RBFOX3: variants seen among roughly 807,000 people sequenced by gnomAD.
RBFOX3 encodes RNA binding fox-1 homolog 3, also known as RNA binding protein fox-1 homolog 3.
In RBFOX3, 17 loss-of-function variants were observed where a neutral mutation model predicts 48.7. The observed-to-expected ratio is 0.35, with a 90% CI of 0.24 to 0.52. RBFOX3 has a LOEUF of 0.52. Among genes scored for constraint, RBFOX3 ranks in the 20% least tolerant of loss-of-function variants. RBFOX3 has a pLI of 0.94. For missense variants in RBFOX3, 382 were observed against 497.5 expected (o/e 0.77, Z 2.21); for synonymous variants, 212 against 209.5 (o/e 1.01, Z -0.10).
chr17:79,491,457 G>C lies in RBFOX3; in HGVS notation c.-319-8859C>G, dbSNP rs200605714. ...GGGCTGGGTAGAGGGGAAAAACCAA[G>C]GCAGGAATCTCAGTAGGGAGGTGGC... is the stretch of plus-strand genomic sequence containing the variant. On this transcript the variant is annotated intron_variant, in intron 1 of 14. Coordinates refer to ENST00000693108, the MANE Select transcript of RBFOX3 (RefSeq NM_001350451.2). 3.8e-4 allele frequency among the ~76,000 whole-genome samples: 58 copies of C among 152,136 alleles called. 1 individual carries two copies. In the East Asian group the frequency reaches 8.1e-3, roughly 21 times the overall value.
chr17:79,176,955 G>A (rs1019702768), intron 4 of RBFOX3, among the ~76,000 whole-genome samples: 1 of 152,348 alleles, frequency 6.6e-6, no homozygotes, highest in South Asian at 2.1e-4. Flanking sequence ...GACAGACGGT[G>A]ACCTGTAATC....
intron 2 of RBFOX3, among the ~76,000 whole-genome samples, chr17:79,315,942 G>T (rs375279032): frequency 6.6e-6 from 1 of 152,120 alleles, no homozygotes; most frequent in African/African-American, 2.4e-5. Context: ...AATTCACTCC[G>T]CAAGGGGTGG....
At chr17:79,273,932 G>A (rs763756051) in intron 3 of RBFOX3, among the ~76,000 whole-genome samples, 34 of 152,288 alleles carry the variant, frequency 2.2e-4, no homozygotes, top group Middle Eastern at 3.4e-3. Context: ...TGCCTCCTCC[G>A]TTTCCTGCAG....
intron 2 of RBFOX3, among the ~76,000 whole-genome samples, chr17:79,337,801 A>T (rs942573394): frequency 1.3e-5 from 2 of 152,158 alleles, no homozygotes; most frequent in African/African-American, 4.8e-5. Context: ...AAGAAAATAC[A>T]GTTGAGTTTA....
chr17:79,093,622 T>A (rs1161877623), intron 14 of RBFOX3, among the ~76,000 whole-genome samples: 1 of 151,364 alleles, frequency 6.6e-6, no homozygotes, highest in Non-Finnish European at 1.5e-5. Context: ...CCTCTGAACC[T>A]CCTCCCTCCT....
intron 2 of RBFOX3, among the ~76,000 whole-genome samples, chr17:79,331,166 G>A (rs1223580908): frequency 6.6e-6 from 1 of 152,144 alleles, no homozygotes; most frequent in Non-Finnish European, 1.5e-5. Flanking sequence ...ATTTATTTCT[G>A]TTCCTTGACA....
intron 2 of RBFOX3, among the ~76,000 whole-genome samples, chr17:79,337,886 T>C (rs995224383): frequency 6.6e-6 from 1 of 152,120 alleles, no homozygotes; most frequent in African/African-American, 2.4e-5. Context: ...GGCATGTGTC[T>C]CTTTTTCTTA....
chr17:79,544,363 G>A (rs1456647342), intron 1 of RBFOX3, among the ~76,000 whole-genome samples: 4 of 152,162 alleles, frequency 2.6e-5, no homozygotes, highest in East Asian at 1.9e-4. Flanking sequence ...TATTCAACAC[G>A]GTGATTGCTG....
At chr17:79,295,910 G>A (rs1022612599) in intron 3 of RBFOX3, among the ~76,000 whole-genome samples, 1 of 152,096 alleles carries the variant, frequency 6.6e-6, no homozygotes, top group African/African-American at 2.4e-5. Context: ...GCGGTTATTT[G>A]TAAATAATAC....
At chr17:79,633,737 G>A in the RBFOX3 span, among the ~76,000 whole-genome samples, 1 of 152,178 alleles carries the variant, frequency 6.6e-6, no homozygotes, top group South Asian at 2.1e-4. Context: ...TGAGGCATCG[G>A]AGGCTGCTCT....
intron 2 of RBFOX3, among the ~76,000 whole-genome samples, chr17:79,355,279 G>A (rs2084755419): frequency 6.6e-6 from 1 of 152,242 alleles, no homozygotes; most frequent in Non-Finnish European, 1.5e-5. Context: ...TGTGAAGCCT[G>A]CAGAACGTAT....
chr17:79,299,785 A>G lies in RBFOX3; in HGVS notation c.-74+7939T>C, dbSNP rs2145269391. Reference sequence around the variant, plus strand: ...GACGCAAACAGAGGGATGGCCACATAAGGACATGGAGAAGACGGCGTCTAC... The same window carrying G: ...GACGCAAACAGAGGGATGGCCACATGAGGACATGGAGAAGACGGCGTCTAC... On this transcript the variant is annotated intron_variant, in intron 3 of 14. Coordinates refer to ENST00000693108, the MANE Select transcript of RBFOX3 (RefSeq NM_001350451.2). The surrounding 1 kb of genome is among the most constrained non-coding windows in gnomAD (Gnocchi z 4.5). 6.6e-6 allele frequency among the ~76,000 whole-genome samples: 1 copy of G among 152,330 alleles called. No individual in the cohort carries two copies. The highest frequency in any genetic ancestry group is 6.5e-5 in the Admixed American group (1 of 15,306).
At chr17:79,328,851 G>A (rs964840778) in intron 2 of RBFOX3, among the ~76,000 whole-genome samples, 3 of 152,204 alleles carry the variant, frequency 2.0e-5, no homozygotes, top group Admixed American at 6.5e-5. Context: ...AGCCGTGGTT[G>A]CCCAGGGATA....
At chr17:79,598,748 AGTT>A (rs2093632850) in intron 1 of RBFOX3, 1 of 152,110 alleles carries the variant, frequency 6.6e-6, no homozygotes, top group African/African-American at 2.4e-5. Flanking sequence ...TGAGTTGTTG[AGTT>A]GTTATTTGGT....
chr17:79,133,211 C>A (rs369113251), intron 4 of RBFOX3, among the ~76,000 whole-genome samples: 1 of 152,158 alleles, frequency 6.6e-6, no homozygotes, highest in South Asian at 2.1e-4. Flanking sequence ...AAGGCAGGGG[C>A]CAGTGGGAGA....
rs1437515734 is a variant in RBFOX3 at position 79,212,847 on chromosome 17, C to T, written c.-34+22919G>A. On this transcript the variant is annotated intron_variant, in intron 4 of 14. Transcript: ENST00000693108. This position sits in a 1 kb window ranked among gnomAD's most constrained non-coding sequence, Gnocchi z 4.7. ...CAGACAACTTCCTGGGGCCTGGAAACAGATGTCACCTCAGCTACAGTGTTT... is the reference window on the plus strand; with the variant it reads ...CAGACAACTTCCTGGGGCCTGGAAATAGATGTCACCTCAGCTACAGTGTTT... Among the ~76,000 whole-genome samples the T allele has an allele frequency of 2.6e-5, 4 of 152,128 alleles. No homozygotes were observed. Among genetic ancestry groups the T allele is most frequent in the Admixed American group, 2.6e-4 (4 of 15,272 alleles).
intron 3 of RBFOX3, among the ~76,000 whole-genome samples, chr17:79,272,246 GC>G (rs2067867867): frequency 6.6e-6 from 1 of 152,174 alleles, no homozygotes; most frequent in Admixed American, 6.5e-5. Flanking sequence ...GTGGCTGGGG[GC>G]GGGGGGCTCT....
At chr17:79,539,407 A>T (rs1429502741) in intron 1 of RBFOX3, among the ~76,000 whole-genome samples, 2 of 152,236 alleles carry the variant, frequency 1.3e-5, no homozygotes, top group Non-Finnish European at 2.9e-5. Context: ...ATAATCACAT[A>T]GTGTGGAGGC....
chr17:79,178,720 C>T lies in RBFOX3; in HGVS notation c.-34+57046G>A, dbSNP rs146838084. On this transcript the variant is annotated intron_variant, in intron 4 of 14. Transcript: ENST00000693108. ...TCAGGGTAAAGAGGTCTCACCTGTA[C>T]GGATGCGTGGCTCAAAGCAAGGACC... Among the ~76,000 whole-genome samples the T allele has an allele frequency of 4.0e-4, 61 of 152,358 alleles. No individual in the cohort carries two copies. The East Asian group carries it at 0.012, about 29-fold the overall frequency.
Sources: allele counts gnomAD v4.1 joint callset (sites outside exome capture counted in the v4.1 genomes callset), GRCh38; gene constraint gnomAD v4.1.1; non-coding constraint Gnocchi (gnomAD v3.1); transcripts MANE v1.5; gene names NCBI Gene and HGNC (gene_info 2026-07-23, HGNC 2026-07-21).